Variants in PCNT observed in about 807,000 individuals in gnomAD.
The protein encoded by PCNT is kendrin.
PCNT carries 319 observed loss-of-function variants against 380.4 expected under a neutral mutation model. The ratio of observed to expected loss-of-function variants is 0.84; its 90% CI spans 0.77 to 0.92. The LOEUF (loss-of-function observed/expected upper bound fraction) is 0.92, where lower values mean the gene tolerates loss of function less well. Among genes scored for constraint, PCNT ranks in the 40% least tolerant of loss-of-function variants. The pLI, the probability that PCNT is intolerant of heterozygous loss-of-function variation, is 0.00. For synonymous variants in PCNT, 1,845 were observed against 1,735.2 expected (o/e 1.06, Z -1.57); for missense variants, 4,400 against 4,255.3 (o/e 1.03, Z -0.95).
At chr21:46,397,633 A>G (rs1262965241) in intron 22 of PCNT, 139 bp downstream of exon 22, 25 of 747,516 alleles carry the variant, frequency 3.3e-5, no homozygotes, top group Non-Finnish European at 6.8e-6. Flanking sequence ...AGGTGCACCC[A>G]GGTCGCTGAC....
rs775184080 is a variant in PCNT at position 46,363,875 on chromosome 21, G to A, written c.2550G>A (p.Glu850=). 7 of 1,612,446 alleles carry A rather than the reference G, an allele frequency of 4.3e-6. No individual in the cohort carries two copies. The highest frequency in any genetic ancestry group is 5.9e-6 in the Non-Finnish European group (7 of 1,179,562). ...AGCCGCCCACAGCCCAGGACGGGGA[G>A]CTTGCTGCGCTCCACGTGAAGGAAG... The part of the protein sequence containing the change: ...GREPPTAQDG[E]LAALHVKEDC... The change falls in exon 14 of 47, where the codon GAG becomes GAA. Residue 850 remains glutamate, a synonymous_variant. Coordinates refer to ENST00000359568, the MANE Select transcript of PCNT (RefSeq NM_006031.6).
intron 2 of PCNT, among the ~76,000 whole-genome samples, chr21:46,327,730 A>T (rs1239069740): frequency 6.6e-6 from 1 of 152,210 alleles, no homozygotes; most frequent in Non-Finnish European, 1.5e-5. Flanking sequence ...ATATTCCTTC[A>T]CATAGTTGTA....
In PCNT at chr21:46,412,074, TC is replaced by T. The variant is rs772752236; in HGVS notation, c.5994+13del. 3.1e-6 allele frequency: 5 copies of T among 1,604,172 alleles called. No homozygotes were observed. Among genetic ancestry groups the T allele is most frequent in the South Asian group, 1.1e-5 (1 of 90,914 alleles). On this transcript the variant is annotated splice_region_variant and intron_variant, in intron 28 of 46. Coordinates refer to ENST00000359568, the MANE Select transcript of PCNT (RefSeq NM_006031.6). ...GGTTGTCCCTGACCCACAGGTGGGC[TC>T]CCCCCGCGGGCCATGGCAGGGTATT...
At chr21:46,415,365 ATTTTTTTTTTT>A (rs35983555) in intron 29 of PCNT, among the ~76,000 whole-genome samples, 39 of 65,304 alleles carry the variant, frequency 6.0e-4, no homozygotes, top group South Asian at 4.3e-3. Flanking sequence ...GTTTCTTTGA[ATTTTTTTTTTT>A]TTTTTTTTTT....
intron 6 of PCNT, 60 bp downstream of exon 6, chr21:46,347,572 A>G (rs2084114230): frequency 1.3e-6 from 2 of 1,503,858 alleles, no homozygotes; most frequent in Non-Finnish European, 1.9e-6. Flanking sequence ...CTTTCTCGCC[A>G]GGTCCCATGA....
Position 46,435,933 on chromosome 21 carries a change from C to G in PCNT, c.8781C>G (p.Asp2927Glu), listed in dbSNP as rs780416817. ...AATTAGAACTGCAGCGTCAGCGTGA[C>G]TTGCATAAGATCAAGCAGCTTCAGC... ...LRELELQRQR[D>E]LHKIKQLQQT... Residue 2927 changes from aspartate to glutamate, a missense_variant, in exon 39 of 47, where the codon GAC (aspartate) becomes GAG (glutamate). Coordinates refer to ENST00000359568, the MANE Select transcript of PCNT (RefSeq NM_006031.6). 13 of 1,614,090 alleles carry G rather than the reference C, an allele frequency of 8.1e-6. No homozygotes were observed. Among genetic ancestry groups the G allele is most frequent in the Non-Finnish European group, 1.0e-5 (12 of 1,180,010 alleles).
rs2087445379 is a variant in PCNT at position 46,425,238 on chromosome 21, T to C, written c.7180-593T>C. Among the ~76,000 whole-genome samples, 1 of 152,158 alleles carries C rather than the reference T, an allele frequency of 6.6e-6. No individual in the cohort carries two copies. Among genetic ancestry groups the C allele is most frequent in the Non-Finnish European group, 1.5e-5 (1 of 68,026 alleles). ...AAGTGTGTGTCCGGACACCAGCTGC[T>C]GCGTAATCGGTGGGATAAAGCAGCC... On this transcript the variant is annotated intron_variant, in intron 32 of 46. Transcript: ENST00000359568. The surrounding 1 kb of genome is among the most constrained non-coding windows in gnomAD (Gnocchi z 4.2).
chr21:46,388,650 T>G lies in PCNT; in HGVS notation c.3465-92T>G, dbSNP rs1379852818. On this transcript the variant is annotated intron_variant, in intron 17 of 46. Coordinates refer to ENST00000359568, the MANE Select transcript of PCNT (RefSeq NM_006031.6). The surrounding 1 kb of genome is among the most constrained non-coding windows in gnomAD (Gnocchi z 4.2). ...GGACAGGCAGCCGTGGGCCGAGGTGTGCAAACTGGTGGGCGGCCCCTCAGC... is the reference window on the plus strand; with the variant it reads ...GGACAGGCAGCCGTGGGCCGAGGTGGGCAAACTGGTGGGCGGCCCCTCAGC... The G allele has an allele frequency of 6.6e-7, 1 of 1,525,710 alleles. No individual in the cohort carries two copies. The highest frequency in any genetic ancestry group is 1.4e-5 in the African/African-American group (1 of 73,414). 94.5% of individuals were successfully genotyped at this position (1,525,710 alleles called of 1,614,324 possible). A position where few individuals can be genotyped will look rare whatever the true frequency, so the allele number is the denominator to read the frequency against.
chr21:46,411,573 C>G lies in PCNT; in HGVS notation c.5500C>G (p.Gln1834Glu). The part of the protein sequence containing the change: ...LQGAEEAAEL[Q>E]LAELERNVAL... ...GGGCGCAGAGGAGGCTGCGGAGCTA[C>G]AGCTGGCTGAGCTGGAGCGCAATGT... Residue 1834 changes from glutamine to glutamate, a missense_variant, in exon 28 of 47, where the codon CAG becomes GAG. Physicochemically the swap from Gln to Glu is conservative, Grantham distance 29. Coordinates refer to ENST00000359568, the MANE Select transcript of PCNT (RefSeq NM_006031.6). The G allele has an allele frequency of 6.2e-7, 1 of 1,612,834 alleles. No individual in the cohort carries two copies. Among genetic ancestry groups the G allele is most frequent in the South Asian group, 1.1e-5 (1 of 91,084 alleles).
rs113552232 is a variant in PCNT at position 46,436,937 on chromosome 21, T to C, written c.8997-42T>C. 105 of 1,385,470 alleles carry C rather than the reference T, an allele frequency of 7.6e-5. No homozygotes were observed. The African/African-American group carries it at 1.2e-3, about 16-fold the overall frequency. The allele number at this position is 1,385,470 out of a possible 1,614,324, so 85.8% of individuals were successfully genotyped here. ...TGTTTAGTTTTGCATAATGGTCACT[T>C]GGGGCGCGTATGCAACTTTGAGTGC... On this transcript the variant is annotated intron_variant, in intron 39 of 46. Transcript: ENST00000359568.
chr21:46,404,330 G>C (rs542840435), intron 27 of PCNT, among the ~76,000 whole-genome samples: 2 of 152,348 alleles, frequency 1.3e-5, no homozygotes, highest in South Asian at 2.1e-4. Context: ...ATATCTGTAG[G>C]GTCAGTGGAA....
chr21:46,386,991 G>T lies in PCNT; in HGVS notation c.3464+1008G>T, dbSNP rs186662957. ...GCTTCTGGGTCCAGCCACTGCTCCC[G>T]TCTGTCTGTCCCCGCCCCAGGCCTC... On this transcript the variant is annotated intron_variant, in intron 17 of 46. Coordinates refer to ENST00000359568, the MANE Select transcript of PCNT (RefSeq NM_006031.6). Among the ~76,000 whole-genome samples, 577 of 151,960 alleles carry T rather than the reference G, an allele frequency of 3.8e-3. 1 individual carries two copies. Among genetic ancestry groups the T allele is most frequent in the Non-Finnish European group, 6.3e-3 (431 of 67,994 alleles).
At chr21:46,328,167 G>A (rs1250892992) in intron 2 of PCNT, among the ~76,000 whole-genome samples, 1 of 151,966 alleles carries the variant, frequency 6.6e-6, no homozygotes, top group African/African-American at 2.4e-5. Flanking sequence ...TGAGTTGTTG[G>A]CAACAGTTAA....
chr21:46,389,103 G>C (rs1234341358), intron 18 of PCNT, 96 bp from the exon 19 acceptor site: 1 of 1,367,996 alleles, frequency 7.3e-7, no homozygotes, highest in Non-Finnish European at 1.0e-6. Context: ...CTGGGGCGAC[G>C]TTCTGAGTTC....
chr21:46,349,853 T>C (rs1342581454), intron 8 of PCNT, 33 bp downstream of exon 8: 1 of 1,605,096 alleles, frequency 6.2e-7, no homozygotes, highest in Non-Finnish European at 8.5e-7. Context: ...AATTACTTGG[T>C]ATATTAGGGA....
rs2084183121 is a variant in PCNT at position 46,349,260 on chromosome 21, T to C, written c.1207+74T>C. 5 of 1,202,678 alleles carry C rather than the reference T, an allele frequency of 4.2e-6. No homozygotes were observed. In the East Asian group the frequency reaches 7.0e-5, roughly 17 times the overall value. The allele number at this position is 1,202,678 out of a possible 1,614,324, so 74.5% of individuals were successfully genotyped here. ...GTAGTACTGGAAGGAATGTCGTTCA[T>C]GTCACCATGCGTCATTGCGCACGTT... On this transcript the variant is annotated intron_variant, in intron 7 of 46. Transcript: ENST00000359568.
At chr21:46,347,080 G>C in intron 5 of PCNT, 82 bp downstream of exon 5, 2 of 1,514,046 alleles carry the variant, frequency 1.3e-6, no homozygotes, top group Non-Finnish European at 1.8e-6. Flanking sequence ...GGGGTTGGGA[G>C]CTGGGGCGCC....
At chr21:46,420,010 G>GT (rs1404673678) in intron 31 of PCNT, among the ~76,000 whole-genome samples, 1 of 152,194 alleles carries the variant, frequency 6.6e-6, no homozygotes, top group Non-Finnish European at 1.5e-5. Flanking sequence ...GTGGTTGTCG[G>GT]TTGGTTGGCT....
intron 27 of PCNT, among the ~76,000 whole-genome samples, chr21:46,408,967 A>C (rs1601996641): frequency 6.6e-6 from 1 of 151,554 alleles, no homozygotes; most frequent in African/African-American, 2.4e-5. Context: ...CTGGTGACCC[A>C]CCTGCCTCGG....
Sources: allele counts gnomAD v4.1 joint callset (sites outside exome capture counted in the v4.1 genomes callset), GRCh38; gene constraint gnomAD v4.1.1; non-coding constraint Gnocchi (gnomAD v3.1); transcripts MANE v1.5; gene names NCBI Gene and HGNC (gene_info 2026-07-23, HGNC 2026-07-21).